Variants in SLC24A3 observed in about 807,000 individuals in gnomAD.
SLC24A3 encodes sodium/potassium/calcium exchanger 3.
In SLC24A3, 28 loss-of-function variants were observed where a neutral mutation model predicts 75.8. That is an observed-to-expected ratio of 0.37 (90% confidence interval 0.27 to 0.51). The LOEUF is 0.51. SLC24A3 is among the 20% of genes least tolerant of loss of function. The pLI is 0.94. For synonymous variants in SLC24A3, 372 were observed against 334.1 expected (o/e 1.11, Z -1.24); for missense variants, 663 against 847.8 (o/e 0.78, Z 2.71).
intron 2 of SLC24A3, among the ~76,000 whole-genome samples, chr20:19,456,306 T>C (rs1987576373): frequency 6.6e-6 from 1 of 152,172 alleles, no homozygotes; most frequent in Non-Finnish European, 1.5e-5. Context: ...AATTCCCATG[T>C]GTTGTGGGAG....
intron 2 of SLC24A3, among the ~76,000 whole-genome samples, chr20:19,370,649 T>C (rs1334801203): frequency 1.3e-5 from 2 of 152,214 alleles, no homozygotes; most frequent in African/African-American, 4.8e-5. Flanking sequence ...GCCAGGAAGC[T>C]TCTAAACACT....
intron 3 of SLC24A3, among the ~76,000 whole-genome samples, chr20:19,530,969 C>G (rs925998476): frequency 1.3e-5 from 2 of 152,252 alleles, no homozygotes; most frequent in Middle Eastern, 3.4e-3. Context: ...GAATAGGACT[C>G]TATCATAAAT....
At chr20:19,529,312 A>T (rs548584493) in intron 3 of SLC24A3, among the ~76,000 whole-genome samples, 1 of 152,136 alleles carries the variant, frequency 6.6e-6, no homozygotes, top group Non-Finnish European at 1.5e-5. Flanking sequence ...AGAAGACAAA[A>T]TTATTTCATT....
intron 3 of SLC24A3, among the ~76,000 whole-genome samples, chr20:19,569,286 A>G (rs1177868769): frequency 6.6e-6 from 1 of 152,202 alleles, no homozygotes; most frequent in Non-Finnish European, 1.5e-5. Context: ...TGTTTTGTAC[A>G]ATGATTTTAT....
rs556378072 is a variant in SLC24A3, at chr20:19,693,255, C to A, written c.1325-4C>A. 2 of 1,584,880 alleles carry A rather than the reference C, an allele frequency of 1.3e-6. No homozygotes were observed. The highest frequency in any genetic ancestry group is 1.4e-5 in the African/African-American group (1 of 72,804). ...TTTCTTTTTGGCCTTTTTCATTTTT[C>A]CAGCGGGTAAACTGGAAACAGTGAA... On this transcript the variant is annotated splice_region_variant and splice_polypyrimidine_tract_variant and intron_variant, in intron 12 of 16. Transcript: ENST00000328041.
In SLC24A3 at chr20:19,214,886, C is replaced by T. The variant is rs114963849; in HGVS notation, c.142+1902C>T. Among the ~76,000 whole-genome samples, 496 of 152,262 alleles carry T rather than the reference C, an allele frequency of 3.3e-3. 4 individuals carry two copies. The highest frequency in any genetic ancestry group is 0.011 in the African/African-American group (470 of 41,528). On this transcript the variant is annotated intron_variant, in intron 1 of 16. Coordinates refer to ENST00000328041, the MANE Select transcript of SLC24A3 (RefSeq NM_020689.4). The stretch of plus-strand genomic sequence containing the variant: ...TCCTCTCACTTCCTCTTCCTCCCTT[C>T]TCATCTCTGTTGGTCTTAGGACCCC...
intron 3 of SLC24A3, among the ~76,000 whole-genome samples, chr20:19,535,963 G>A (rs2030388738): frequency 6.6e-6 from 1 of 152,136 alleles, no homozygotes; most frequent in South Asian, 2.1e-4. Flanking sequence ...AGAAGATAGG[G>A]AGGCTGAACT....
At chr20:19,430,396 TAAAG>T (rs1186170666) in intron 2 of SLC24A3, among the ~76,000 whole-genome samples, 2 of 147,934 alleles carry the variant, frequency 1.4e-5, no homozygotes, top group African/African-American at 2.5e-5. Context: ...AGAAAGAAAA[TAAAG>T]GAAGGAGGGA....
intron 2 of SLC24A3, among the ~76,000 whole-genome samples, chr20:19,409,945 C>T (rs149478436): frequency 0.01 from 1,532 of 151,926 alleles, 31 homozygotes; most frequent in African/African-American, 0.035. Flanking sequence ...TTGTGGTTAT[C>T]TTTAATTTTT....
At chr20:19,659,334 G>A (rs574091790) in intron 7 of SLC24A3, among the ~76,000 whole-genome samples, 3 of 152,288 alleles carry the variant, frequency 2.0e-5, no homozygotes, top group East Asian at 1.9e-4. Flanking sequence ...GAACCCAGGG[G>A]GATATGAGAG....
chr20:19,458,244 A>G (rs890956283), intron 2 of SLC24A3, among the ~76,000 whole-genome samples: 1 of 152,098 alleles, frequency 6.6e-6, no homozygotes, highest in Non-Finnish European at 1.5e-5. Context: ...TTTTATTGTT[A>G]GTTTCACTTG....
intron 1 of SLC24A3, among the ~76,000 whole-genome samples, chr20:19,225,164 G>T (rs757761388): frequency 1.5e-4 from 23 of 152,142 alleles, no homozygotes; most frequent in Non-Finnish European, 3.1e-4. Context: ...AATTCATTTT[G>T]TTAGGGGTCT....
chr20:19,604,339 G>A lies in SLC24A3; in HGVS notation c.612+18795G>A, dbSNP rs527994909. Among the ~76,000 whole-genome samples the A allele has an allele frequency of 7.2e-5, 11 of 152,212 alleles. No individual in the cohort carries two copies. The East Asian group carries it at 9.7e-4, about 13-fold the overall frequency. Reference sequence around the variant, plus strand: ...GAGACCCTAGTGGTATGAAGGAGGAGCCATGTGAAGACCTAGAACATTCCA... The same window carrying A: ...GAGACCCTAGTGGTATGAAGGAGGAACCATGTGAAGACCTAGAACATTCCA... On this transcript the variant is annotated intron_variant, in intron 6 of 16. Coordinates refer to ENST00000328041, the MANE Select transcript of SLC24A3 (RefSeq NM_020689.4).
intron 1 of SLC24A3, among the ~76,000 whole-genome samples, chr20:19,227,839 T>C (rs1346836706): frequency 6.6e-6 from 1 of 152,216 alleles, no homozygotes; most frequent in African/African-American, 2.4e-5. Context: ...TTTATTGTTA[T>C]CACTCATTTA....
chr20:19,459,672 A>G (rs2122492937), intron 2 of SLC24A3, among the ~76,000 whole-genome samples: 1 of 152,310 alleles, frequency 6.6e-6, no homozygotes, highest in South Asian at 2.1e-4. Context: ...TAAATGGTCA[A>G]TAAATACTTC....
chr20:19,293,532 T>A (rs568775111), intron 2 of SLC24A3, among the ~76,000 whole-genome samples: 15 of 151,810 alleles, frequency 9.9e-5, no homozygotes, highest in African/African-American at 3.6e-4. Flanking sequence ...GGCAGGCACC[T>A]GTAATCCCAG....
intron 3 of SLC24A3, among the ~76,000 whole-genome samples, chr20:19,520,651 CA>C (rs1764872242): frequency 6.6e-6 from 1 of 152,182 alleles, no homozygotes; most frequent in African/African-American, 2.4e-5. Context: ...GGAAGAGGAC[CA>C]TTAACATCAC....
intron 2 of SLC24A3, among the ~76,000 whole-genome samples, chr20:19,471,485 ATG>A (rs376281588): frequency 1.4e-3 from 208 of 152,318 alleles, no homozygotes; most frequent in African/African-American, 4.7e-3. Flanking sequence ...TGTTGAATGC[ATG>A]TGTGTTCAAG....
chr20:19,621,786 C>G (rs1395373121), intron 6 of SLC24A3, among the ~76,000 whole-genome samples: 1 of 152,228 alleles, frequency 6.6e-6, no homozygotes, highest in African/African-American at 2.4e-5. Context: ...ATCCAGTCTT[C>G]TGCTCTTTCC....
Sources: gnomAD v4.1 joint callset for allele counts (sites outside exome capture counted in the v4.1 genomes callset) on GRCh38, gnomAD v4.1.1 for gene constraint, MANE v1.5 for transcripts, NCBI Gene and HGNC (gene_info 2026-07-23, HGNC 2026-07-21) for gene names.